The following PCDHA5 variants were observed in gnomAD, a reference collection of about 807,000 sequenced individuals.
PCDHA5 encodes protocadherin alpha 5.
Under a neutral mutation model 61.6 loss-of-function variants are expected in PCDHA5, and 43 were observed. The ratio of observed to expected loss-of-function variants is 0.70; its 90% CI spans 0.55 to 0.90. The LOEUF (loss-of-function observed/expected upper bound fraction) is 0.90, where lower values mean the gene tolerates loss of function less well. Among genes scored for constraint, PCDHA5 ranks in the 40% least tolerant of loss-of-function variants. PCDHA5 has a pLI of 0.00. For missense variants in PCDHA5, 1,298 were observed against 1,222.7 expected (o/e 1.06, Z -0.92); for synonymous variants, 627 against 543.9 (o/e 1.15, Z -2.13).
chr5:140,968,371 C>T (rs1554230646), intron 1 of PCDHA5: 3 of 1,614,088 alleles, frequency 1.9e-6, no homozygotes, highest in Non-Finnish European at 2.5e-6. Context: ...ATGCTGTCAA[C>T]TCCTTTGACT....
At chr5:140,849,952 A>G (rs1413987636) in intron 1 of PCDHA5, 1 of 1,597,826 alleles carries the variant, frequency 6.3e-7, no homozygotes, top group Non-Finnish European at 8.6e-7. Context: ...GACGCGCAGG[A>G]GAACGCCCTG....
chr5:140,883,827 T>G, intron 1 of PCDHA5: 1 of 1,612,546 alleles, frequency 6.2e-7, no homozygotes, highest in South Asian at 1.1e-5. Context: ...GTGTACGCGC[T>G]GCAGCCGTTG....
chr5:140,830,089 G>T, intron 1 of PCDHA5: 1 of 1,613,632 alleles, frequency 6.2e-7, no homozygotes, highest in African/African-American at 1.3e-5. Context: ...CCACGGTTCT[G>T]GTGTCGCTGG....
intron 1 of PCDHA5, among the ~76,000 whole-genome samples, chr5:140,879,880 C>T (rs1162426271): frequency 6.6e-6 from 1 of 152,172 alleles, no homozygotes; most frequent in Admixed American, 6.5e-5. Flanking sequence ...GGTCACATTG[C>T]CTCCTCCTCT....
chr5:141,003,252 TGGGCAGTGCCTAA>T (rs2098117217), intron 3 of PCDHA5, among the ~76,000 whole-genome samples: 1 of 152,236 alleles, frequency 6.6e-6, no homozygotes, highest in South Asian at 2.1e-4. Context: ...AAAAGATTCC[TGGGCAGTGCCTAA>T]GGGAAGTGCC....
chr5:140,856,002 G>A, intron 1 of PCDHA5: 2 of 1,534,758 alleles, frequency 1.3e-6, no homozygotes, highest in African/African-American at 1.4e-5. Context: ...TCGTATGTGC[G>A]TTCTAGACCG....
At chr5:140,978,839 CT>C in intron 1 of PCDHA5, 109 bp from the exon 2 acceptor site, 3 of 1,556,998 alleles carry the variant, frequency 1.9e-6, no homozygotes, top group Non-Finnish European at 2.6e-6. Context: ...TCATTCAATA[CT>C]TTTTTAGATG....
At chr5:140,957,189 G>T (rs1376112973) in intron 1 of PCDHA5, among the ~76,000 whole-genome samples, 1 of 152,174 alleles carries the variant, frequency 6.6e-6, no homozygotes, top group South Asian at 2.1e-4. Context: ...ATTGATGACC[G>T]ATTGGGAATA....
At chr5:140,876,418 T>C in intron 1 of PCDHA5, 1 of 1,613,982 alleles carries the variant, frequency 6.2e-7, no homozygotes, top group Non-Finnish European at 8.5e-7. Flanking sequence ...GAATAATGCC[T>C]ATGAAATTCA....
intron 1 of PCDHA5, chr5:140,843,152 CT>C (rs2150353947): frequency 6.3e-6 from 10 of 1,596,024 alleles, no homozygotes; most frequent in Non-Finnish European, 6.9e-6. Flanking sequence ...TTCGTATGAG[CT>C]GCAGCCAGCT....
chr5:140,935,563 C>T (rs1554210554), intron 1 of PCDHA5, among the ~76,000 whole-genome samples: 1 of 152,176 alleles, frequency 6.6e-6, no homozygotes. Context: ...GGAAAAGTTC[C>T]TCTCTGTGTA....
Position 140,851,554 on chromosome 5 carries a change from A to G in PCDHA5, c.2352+27427A>G. On this transcript the variant is annotated intron_variant, in intron 1 of 3. Transcript: ENST00000529859. Reference sequence around the variant, plus strand: ...AATGTAGATAATTCAAGAAATGTTGACTGAAATTTTGTCTACACTTAGAAC... The same window carrying G: ...AATGTAGATAATTCAAGAAATGTTGGCTGAAATTTTGTCTACACTTAGAAC... 9.9e-6 allele frequency: 9 copies of G among 909,036 alleles called. 1 individual carries two copies. The highest frequency in any genetic ancestry group is 1.1e-5 in the Non-Finnish European group (8 of 746,402). The allele number at this position is 909,036 out of a possible 1,614,324, so 56.3% of individuals were successfully genotyped here.
intron 1 of PCDHA5, chr5:140,835,626 C>T: frequency 6.2e-6 from 10 of 1,613,880 alleles, no homozygotes; most frequent in Admixed American, 1.7e-5. Context: ...CGCTCTGGAC[C>T]GCGAGAGTGT....
rs557764399 is a variant in PCDHA5, at chr5:140,865,245, G to A, written c.2352+41118G>A. On this transcript the variant is annotated intron_variant, in intron 1 of 3. Coordinates refer to ENST00000529859, the MANE Select transcript of PCDHA5 (RefSeq NM_018908.3). ...GGATCCCAGAGAACACGTATTTATA[G>A]CTGTAAGGATGTGTATCAAATTATA... The A allele has an allele frequency of 1.1e-3, 171 of 152,250 alleles. 2 individuals are homozygous for A. The highest frequency in any genetic ancestry group is 3.6e-3 in the African/African-American group (148 of 41,542). 9.4% of individuals were successfully genotyped at this position (152,250 alleles called of 1,614,324 possible).
chr5:140,882,668 C>T, intron 1 of PCDHA5: 1 of 1,614,138 alleles, frequency 6.2e-7, no homozygotes, highest in Non-Finnish European at 8.5e-7. Context: ...GCCCATATTC[C>T]CTGAAAGCAA....
intron 3 of PCDHA5, among the ~76,000 whole-genome samples, chr5:141,008,201 A>T (rs2098364434): frequency 6.6e-6 from 1 of 152,212 alleles, no homozygotes; most frequent in Admixed American, 6.5e-5. Context: ...TAATATAATG[A>T]ACTTGACATG....
intron 1 of PCDHA5, chr5:140,864,535 C>G (rs535465437): frequency 1.3e-5 from 2 of 152,242 alleles, no homozygotes; most frequent in South Asian, 2.1e-4. Flanking sequence ...TAATTTTTGT[C>G]TTCAATCTTC....
intron 1 of PCDHA5, chr5:140,967,277 A>G: frequency 6.2e-7 from 1 of 1,613,326 alleles, no homozygotes; most frequent in African/African-American, 1.3e-5. Context: ...TCACATAGAG[A>G]GTGCGCAGGA....
At chr5:140,834,367 C>G in intron 1 of PCDHA5, 1 of 1,554,312 alleles carries the variant, frequency 6.4e-7, no homozygotes, top group East Asian at 2.3e-5. Context: ...ACTAGAAAAA[C>G]AAGCCAATAA....
Sources: allele counts gnomAD v4.1 joint callset (sites outside exome capture counted in the v4.1 genomes callset), GRCh38; gene constraint gnomAD v4.1.1; transcripts MANE v1.5; gene names NCBI Gene and HGNC (gene_info 2026-07-23, HGNC 2026-07-21).